Variants in CCDC175 observed in about 807,000 individuals in gnomAD.
CCDC175 encodes coiled-coil domain-containing protein 175.
In CCDC175, 100 loss-of-function variants were observed where a neutral mutation model predicts 114.6. That is an observed-to-expected ratio of 0.87 (90% CI 0.74 to 1.03). The LOEUF (loss-of-function observed/expected upper bound fraction) is 1.03, where lower values mean the gene tolerates loss of function less well. Among genes scored for constraint, CCDC175 ranks in the 50% least tolerant of loss-of-function variants. CCDC175 has a pLI of 0.00. For synonymous variants in CCDC175, 306 were observed against 308.7 expected, an observed-to-expected ratio of 0.99 and a Z score of 0.09; for missense variants, 880 against 917.8, an observed-to-expected ratio of 0.96 and a Z score of 0.53.
At chr14:59,536,141 A>G (rs978988388) in intron 13 of CCDC175, among the ~76,000 whole-genome samples, 18 of 152,086 alleles carry the variant, frequency 1.2e-4, no homozygotes, top group Non-Finnish European at 5.9e-5. Flanking sequence ...CTTCATGAAC[A>G]TGACTCCCAC....
At position 59,572,713 on chromosome 14, in the gene CCDC175, C is replaced by T; in HGVS notation, c.344G>A (p.Arg115Lys). ...LLETLPNSIKRELEECVRDAR... is the reference protein window; with the variant it reads ...LLETLPNSIKKELEECVRDAR... ...AACCTCAAAAGTACCTTCCAATTCCCTCTTAATGCTATTGGGAAGAGTTTC... is the reference window on the plus strand; with the variant it reads ...AACCTCAAAAGTACCTTCCAATTCCTTCTTAATGCTATTGGGAAGAGTTTC... The change falls in exon 3 of 20, where the codon AGG (arginine) becomes AAG (lysine). Residue 115 changes from arginine to lysine, a missense_variant. Transcript: ENST00000537690. 6.7e-7 allele frequency: 1 copy of T among 1,493,662 alleles called. No homozygotes were observed. Among genetic ancestry groups the T allele is most frequent in the Non-Finnish European group, 8.9e-7 (1 of 1,128,568 alleles). The allele number at this position is 1,493,662 out of a possible 1,614,324, so 92.5% of individuals were successfully genotyped here.
chr14:59,509,210 C>T (rs1310145167), intron 19 of CCDC175, among the ~76,000 whole-genome samples: 4 of 152,140 alleles, frequency 2.6e-5, no homozygotes, highest in Non-Finnish European at 5.9e-5. Flanking sequence ...GCCCTTGACA[C>T]TTACAGATGA....
chr14:59,531,701 C>T, intron 14 of CCDC175, 71 bp downstream of exon 14: 8 of 1,112,180 alleles, frequency 7.2e-6, no homozygotes, highest in South Asian at 6.6e-5. Context: ...CTGATGACCT[C>T]CTTGTGTTAG....
intron 1 of CCDC175, among the ~76,000 whole-genome samples, chr14:59,575,385 G>A (rs1283229245): frequency 6.6e-6 from 1 of 152,084 alleles, no homozygotes; most frequent in Non-Finnish European, 1.5e-5. Flanking sequence ...TTGGCATGCC[G>A]ATCTAGAGAT....
chr14:59,575,330 G>A (rs925826140), intron 1 of CCDC175, among the ~76,000 whole-genome samples: 2 of 152,100 alleles, frequency 1.3e-5, no homozygotes, highest in Admixed American at 6.5e-5. Flanking sequence ...TGAGTGTCTA[G>A]ACATTAACAG....
intron 1 of CCDC175, 98 bp downstream of exon 1, chr14:59,576,521 G>T: frequency 8.5e-7 from 1 of 1,181,478 alleles, no homozygotes; most frequent in Non-Finnish European, 1.1e-6. Flanking sequence ...TGATGCCCTG[G>T]TTCCGGGAGG....
chr14:59,576,736 C>G lies in CCDC175; in HGVS notation c.40G>C (p.Glu14Gln), dbSNP rs1170565627. 2 of 1,474,256 alleles carry G rather than the reference C, an allele frequency of 1.4e-6. No individual in the cohort carries two copies. The highest frequency in any genetic ancestry group is 2.9e-5 in the African/African-American group (2 of 68,554). The allele number at this position is 1,474,256 out of a possible 1,614,324, so 91.3% of individuals were successfully genotyped here. A position where few individuals can be genotyped will look rare whatever the true frequency, so the allele number is the denominator to read the frequency against. The part of the protein sequence containing the change: ...SPWTPGLGAG[E>Q]KLVQAAAVST... ...ACGGCAGCCGCCTGCACCAGCTTCT[C>G]GCCAGCGCCCAGCCCTGGGGTCCAG... The change falls in exon 1 of 20, where the codon GAG becomes CAG. Residue 14 changes from glutamate to glutamine, a missense_variant. Glu to Gln is a conservative substitution (Grantham distance 29, BLOSUM62 2). Transcript: ENST00000537690.
intron 13 of CCDC175, among the ~76,000 whole-genome samples, chr14:59,537,528 T>C (rs188132491): frequency 1.3e-5 from 2 of 152,294 alleles, no homozygotes; most frequent in African/African-American, 4.8e-5. Context: ...TATCATCGCC[T>C]TGGGAAGGTG....
At chr14:59,522,252 A>G (rs1040877183) in intron 16 of CCDC175, among the ~76,000 whole-genome samples, 11 of 152,200 alleles carry the variant, frequency 7.2e-5, no homozygotes, top group African/African-American at 1.9e-4. Flanking sequence ...GGGCTTTGGG[A>G]CATAAAACTG....
At chr14:59,516,778 C>T (rs1171629026) in intron 17 of CCDC175, among the ~76,000 whole-genome samples, 1 of 152,120 alleles carries the variant, frequency 6.6e-6, no homozygotes, top group Admixed American at 6.5e-5. Flanking sequence ...GAAACTATTC[C>T]AATCAATAGA....
At chr14:59,522,233 T>C (rs1251103179) in intron 16 of CCDC175, among the ~76,000 whole-genome samples, 1 of 152,200 alleles carries the variant, frequency 6.6e-6, no homozygotes, top group Non-Finnish European at 1.5e-5. Context: ...CCAGGAACTC[T>C]GGAAATATGG....
intron 17 of CCDC175, among the ~76,000 whole-genome samples, chr14:59,514,277 A>G (rs1222113409): frequency 6.6e-6 from 1 of 152,252 alleles, no homozygotes; most frequent in Non-Finnish European, 1.5e-5. Flanking sequence ...CTCCAAAGGA[A>G]CGCAGCTCCT....
chr14:59,557,160 C>G (rs904835869), intron 7 of CCDC175, among the ~76,000 whole-genome samples: 1 of 152,088 alleles, frequency 6.6e-6, no homozygotes, highest in East Asian at 1.9e-4. Flanking sequence ...TAAAGACACA[C>G]GCACACGTAT....
In CCDC175 at chr14:59,572,777, T is replaced by C; in HGVS notation, c.280A>G (p.Ile94Val). ...AGTTTGTTGAGTTCCATGCTTTCAA[T>C]CTCCAAAAGATCGATTGTGGCTTTT... ...MRKATIDLLE[I>V]ESMELNKLYY... Residue 94 changes from isoleucine (I) to valine (V), a missense_variant, in exon 3 of 20, where the codon ATT (isoleucine) becomes GTT (valine). Physicochemically the swap from Ile to Val is conservative, Grantham distance 29. Transcript: ENST00000537690. 1 of 1,518,308 alleles carries C rather than the reference T, an allele frequency of 6.6e-7. No individual in the cohort carries two copies. Among genetic ancestry groups the C allele is most frequent in the Non-Finnish European group, 8.8e-7 (1 of 1,142,304 alleles). 94.1% of individuals were successfully genotyped at this position (1,518,308 alleles called of 1,614,324 possible). A position where few individuals can be genotyped will look rare whatever the true frequency, so the allele number is the denominator to read the frequency against.
chr14:59,540,249 G>C (rs1359167737), intron 11 of CCDC175, among the ~76,000 whole-genome samples: 1 of 152,060 alleles, frequency 6.6e-6, no homozygotes, highest in African/African-American at 2.4e-5. Context: ...ATAGGGATGG[G>C]AGCAAAGAGA....
At chr14:59,529,106 T>C (rs908992347) in intron 14 of CCDC175, among the ~76,000 whole-genome samples, 1 of 152,206 alleles carries the variant, frequency 6.6e-6, no homozygotes, top group Non-Finnish European at 1.5e-5. Flanking sequence ...AACCAGCCAT[T>C]TGAGGGGACC....
In CCDC175 at chr14:59,531,754, T is replaced by C. The variant is rs1471396504; in HGVS notation, c.1762+18A>G. ...CTTACCTGGGATTGAGTTTAATTACTAAATGCTTCATATGTACCTGTAATA... is the reference window on the plus strand; with the variant it reads ...CTTACCTGGGATTGAGTTTAATTACCAAATGCTTCATATGTACCTGTAATA... On this transcript the variant is annotated intron_variant, in intron 14 of 19. Coordinates refer to ENST00000537690, the MANE Select transcript of CCDC175 (RefSeq NM_001164399.2). 1 of 1,452,742 alleles carries C rather than the reference T, an allele frequency of 6.9e-7. No homozygotes were observed. The highest frequency in any genetic ancestry group is 2.5e-5 in the East Asian group (1 of 39,412). 90.0% of individuals were successfully genotyped at this position (1,452,742 alleles called of 1,614,324 possible).
chr14:59,545,429 G>A (rs562553178), intron 8 of CCDC175, 130 bp from the exon 9 acceptor site: 16 of 681,068 alleles, frequency 2.3e-5, no homozygotes, highest in African/African-American at 9.1e-5. Context: ...CATAAATGCC[G>A]AGTGATTTAA....
At chr14:59,564,953 G>C in intron 5 of CCDC175, 94 bp downstream of exon 5, 1 of 957,890 alleles carries the variant, frequency 1.0e-6, no homozygotes, top group Non-Finnish European at 1.5e-6. Flanking sequence ...CACAGAGGCT[G>C]CTTGCCAGCC....
Sources: allele counts gnomAD v4.1 joint callset (sites outside exome capture counted in the v4.1 genomes callset), GRCh38; gene constraint gnomAD v4.1.1; transcripts MANE v1.5; gene names NCBI Gene and HGNC (gene_info 2026-07-23, HGNC 2026-07-21).